The following ATP8A2 variants were observed in gnomAD, a reference collection of about 807,000 sequenced individuals.
The protein encoded by ATP8A2 is phospholipid-transporting ATPase IB.
In ATP8A2, 100 loss-of-function variants were observed where a neutral mutation model predicts 165.6. The observed-to-expected ratio is 0.60, with a 90% CI of 0.51 to 0.71. ATP8A2 has a LOEUF of 0.71. ATP8A2 is among the 30% of genes least tolerant of loss of function. The pLI is 0.00. For synonymous variants in ATP8A2, 543 were observed against 548.8 expected, an observed-to-expected ratio of 0.99 and a Z score of 0.15; for missense variants, 1,227 against 1,479.5, an observed-to-expected ratio of 0.83 and a Z score of 2.80.
chr13:25,433,048 T>C (rs555592939), intron 1 of ATP8A2, among the ~76,000 whole-genome samples: 2 of 152,308 alleles, frequency 1.3e-5, no homozygotes, highest in Admixed American at 1.3e-4. Context: ...ATGGCTTCTA[T>C]TTCTTTTAAA....
chr13:25,382,759 CT>C (rs772036972), intron 1 of ATP8A2, among the ~76,000 whole-genome samples: 8,213 of 139,872 alleles, frequency 0.059, 296 homozygotes, highest in African/African-American at 0.11. Flanking sequence ...ATCTTTTGTC[CT>C]TTTTTTTTTT....
chr13:25,430,312 G>A (rs1593296512), intron 1 of ATP8A2, among the ~76,000 whole-genome samples: 1 of 152,130 alleles, frequency 6.6e-6, no homozygotes, highest in South Asian at 2.1e-4. Context: ...GGGGGGGCCC[G>A]TGTGGAGGGG....
chr13:25,674,272 C>A (rs374353482), intron 24 of ATP8A2, among the ~76,000 whole-genome samples: 52 of 152,016 alleles, frequency 3.4e-4, no homozygotes, highest in African/African-American at 1.2e-3. Context: ...GTGTCCCCCC[C>A]CGAAAACTAA....
intron 35 of ATP8A2, among the ~76,000 whole-genome samples, chr13:25,981,906 A>C (rs1471480590): frequency 6.6e-6 from 1 of 152,194 alleles, no homozygotes; most frequent in Non-Finnish European, 1.5e-5. Flanking sequence ...TTAAAATTTT[A>C]ATGATTTTAA....
chr13:25,986,170 A>G (rs1378799019), intron 35 of ATP8A2, among the ~76,000 whole-genome samples: 1 of 152,204 alleles, frequency 6.6e-6, no homozygotes. Context: ...GATTGCCACA[A>G]TCAAGCTAAA....
intron 1 of ATP8A2, among the ~76,000 whole-genome samples, chr13:25,377,260 G>A (rs1164109103): frequency 6.6e-6 from 1 of 152,230 alleles, no homozygotes; most frequent in African/African-American, 2.4e-5. Context: ...GATACAAGAT[G>A]TTATTTACAT....
At chr13:25,612,202 C>G (rs1269682043) in intron 24 of ATP8A2, among the ~76,000 whole-genome samples, 1 of 151,936 alleles carries the variant, frequency 6.6e-6, no homozygotes, top group East Asian at 1.9e-4. Flanking sequence ...TCTTGTTTCT[C>G]TGGTTCCTTG....
chr13:25,400,693 C>T (rs1346345876), intron 1 of ATP8A2, among the ~76,000 whole-genome samples: 1 of 152,162 alleles, frequency 6.6e-6, no homozygotes, highest in African/African-American at 2.4e-5. Flanking sequence ...GTATTTAAAC[C>T]ATTTAACACC....
At chr13:25,959,632 T>C (rs1025727383) in intron 33 of ATP8A2, among the ~76,000 whole-genome samples, 3 of 152,206 alleles carry the variant, frequency 2.0e-5, no homozygotes, top group Non-Finnish European at 4.4e-5. Context: ...TGACAGATCC[T>C]CTATGAGATG....
At chr13:25,693,178 T>C (rs1020017786) in intron 24 of ATP8A2, among the ~76,000 whole-genome samples, 3 of 152,164 alleles carry the variant, frequency 2.0e-5, no homozygotes, top group African/African-American at 4.8e-5. Context: ...TGTAACATCG[T>C]TCCTCTGGGA....
At position 25,794,820 on chromosome 13, in the gene ATP8A2, TACACACACACACACAC is replaced by T. The variant is rs3053488; in HGVS notation, c.2679+19886_2679+19901del. ...TTCTGCCCCAACGCATTCCCTCTCC[TACACACACACACACAC>T]ACACACACACACACACACACACACC... On this transcript the variant is annotated intron_variant, in intron 27 of 36. Coordinates refer to ENST00000381655, the MANE Select transcript of ATP8A2 (RefSeq NM_016529.6). Among the ~76,000 whole-genome samples, 678 of 139,612 alleles carry T rather than the reference TACACACACACACACAC, an allele frequency of 4.9e-3. 6 individuals carry two copies. The highest frequency in any genetic ancestry group is 0.017 in the African/African-American group (649 of 37,204). 91.6% of individuals were successfully genotyped at this position (139,612 alleles called of 152,430 possible). A position where few individuals can be genotyped will look rare whatever the true frequency, so the allele number is the denominator to read the frequency against.
In ATP8A2 at chr13:25,372,304, C is replaced by A; in HGVS notation, c.76+16C>A. 1 of 1,112,134 alleles carries A rather than the reference C, an allele frequency of 9.0e-7. No individual in the cohort carries two copies. Among genetic ancestry groups the A allele is most frequent in the Non-Finnish European group, 1.3e-6 (1 of 799,392 alleles). 68.9% of individuals were successfully genotyped at this position (1,112,134 alleles called of 1,614,324 possible). A position where few individuals can be genotyped will look rare whatever the true frequency, so the allele number is the denominator to read the frequency against. On this transcript the variant is annotated intron_variant, in intron 1 of 36. Coordinates refer to ENST00000381655, the MANE Select transcript of ATP8A2 (RefSeq NM_016529.6). The surrounding 1 kb of genome is among the most constrained non-coding windows in gnomAD (Gnocchi z 4.8). ...TCGTCCGTGGGTGAGCTGGGAGGGG[C>A]GCGGCGAGGGAGGGTGGGCCCGGGG...
chr13:25,514,644 C>T (rs969033499), intron 2 of ATP8A2, among the ~76,000 whole-genome samples: 1 of 152,182 alleles, frequency 6.6e-6, no homozygotes, highest in Admixed American at 6.5e-5. Flanking sequence ...AAGTCTTTTG[C>T]TTCGAACTCT....
chr13:26,023,491 G>T lies in ATP8A2; in HGVS notation c.*3506G>T, dbSNP rs533510384. ...AAGAAGCAGTGAAAAATGCGGGGGG[G>T]TGGAAAGAGCCTAGGTAACTAATGT... On this transcript the variant is annotated 3_prime_UTR_variant, in exon 37 of 37. Transcript: ENST00000381655. 3.3e-5 allele frequency: 5 copies of T among 152,156 alleles called. No homozygotes were observed. The highest frequency in any genetic ancestry group is 9.7e-5 in the African/African-American group (4 of 41,430). 9.4% of individuals were successfully genotyped at this position (152,156 alleles called of 1,614,324 possible).
intron 24 of ATP8A2, among the ~76,000 whole-genome samples, chr13:25,652,096 C>CT (rs1377495962): frequency 6.6e-6 from 1 of 152,128 alleles, no homozygotes; most frequent in Non-Finnish European, 1.5e-5. Context: ...ACCTGAAGTG[C>CT]TTTTTAGAGA....
chr13:25,584,742 T>C (rs557399578), intron 23 of ATP8A2, among the ~76,000 whole-genome samples: 1 of 152,196 alleles, frequency 6.6e-6, no homozygotes, highest in African/African-American at 2.4e-5. Flanking sequence ...AAAAAATGCT[T>C]TCTGAAATTT....
intron 12 of ATP8A2, 138 bp downstream of exon 12, chr13:25,554,058 C>A: frequency 1.1e-6 from 1 of 898,416 alleles, no homozygotes; most frequent in East Asian, 2.6e-5. Context: ...ATACAAAGAA[C>A]TGGCCAGGGA....
chr13:25,877,954 T>G (rs1016203578), intron 33 of ATP8A2, among the ~76,000 whole-genome samples: 1 of 152,228 alleles, frequency 6.6e-6, no homozygotes, highest in African/African-American at 2.4e-5. Flanking sequence ...AGACCTGATA[T>G]GTGTATGTCA....
chr13:25,676,907 T>C (rs1362672238), intron 24 of ATP8A2, among the ~76,000 whole-genome samples: 1 of 152,220 alleles, frequency 6.6e-6, no homozygotes, highest in African/African-American at 2.4e-5. Context: ...TGTTTTGTAG[T>C]CTTGCTCTTT....
Sources: gnomAD v4.1 joint callset for allele counts (sites outside exome capture counted in the v4.1 genomes callset) on GRCh38, gnomAD v4.1.1 for gene constraint, Gnocchi (gnomAD v3.1) non-coding constraint, MANE v1.5 for transcripts, NCBI Gene and HGNC (gene_info 2026-07-23, HGNC 2026-07-21) for gene names.